The following FBXO33 variants were observed in gnomAD, a reference collection of about 807,000 sequenced individuals.
FBXO33 encodes F-box only protein 33.
Under a neutral mutation model 46.3 loss-of-function variants are expected in FBXO33, and 22 were observed. That is an observed-to-expected ratio of 0.48 (90% CI 0.34 to 0.68). FBXO33 has a LOEUF of 0.68. FBXO33 is among the 30% of genes least tolerant of loss of function. FBXO33 has a pLI of 0.01. For synonymous variants in FBXO33, 337 were observed against 291.3 expected (o/e 1.16, Z -1.60); for missense variants, 692 against 708.8 (o/e 0.98, Z 0.27).
In FBXO33 at chr14:39,399,476, C is replaced by G. The variant is rs746856910; in HGVS notation, c.*40G>C. On this transcript the variant is annotated 3_prime_UTR_variant, in exon 4 of 4. Coordinates refer to ENST00000298097, the MANE Select transcript of FBXO33 (RefSeq NM_203301.4). ...GAAAAAAAAACATAATAGGACCCTA[C>G]TTGCATATGTAACCACAGGAATTCT... 7.0e-6 allele frequency: 11 copies of G among 1,562,080 alleles called. No homozygotes were observed. Among genetic ancestry groups the G allele is most frequent in the South Asian group, 2.4e-5 (2 of 83,850 alleles).
intron 1 of FBXO33, among the ~76,000 whole-genome samples, chr14:39,422,067 G>C (rs555493644): frequency 1.3e-5 from 2 of 152,234 alleles, no homozygotes; most frequent in African/African-American, 4.8e-5. Context: ...AGACCACCCT[G>C]GGCAACATGG....
intron 1 of FBXO33, among the ~76,000 whole-genome samples, chr14:39,423,601 G>A (rs1365042577): frequency 2.6e-5 from 4 of 152,154 alleles, no homozygotes; most frequent in Non-Finnish European, 4.4e-5. Flanking sequence ...AACTATTATA[G>A]TGAGGTCTCA....
At position 39,414,876 on chromosome 14, in the gene FBXO33, C is replaced by G. The variant is rs138721572; in HGVS notation, c.600-12365G>C. 2.2e-4 allele frequency among the ~76,000 whole-genome samples: 34 copies of G among 152,164 alleles called. No homozygotes were observed. The East Asian group carries it at 6.4e-3, about 29-fold the overall frequency. ...GGGGGTCTATGTTCCCCAGGCTGGTCTTAAACTCCTGTGCTCAAGTGATCT... is the reference window on the plus strand; with the variant it reads ...GGGGGTCTATGTTCCCCAGGCTGGTGTTAAACTCCTGTGCTCAAGTGATCT... On this transcript the variant is annotated intron_variant, in intron 1 of 3. Coordinates refer to ENST00000298097, the MANE Select transcript of FBXO33 (RefSeq NM_203301.4).
At chr14:39,429,026 T>A (rs1398505283) in intron 1 of FBXO33, among the ~76,000 whole-genome samples, 1 of 152,174 alleles carries the variant, frequency 6.6e-6, no homozygotes, top group African/African-American at 2.4e-5. Context: ...TCCTAAAACC[T>A]AAGATACAGG....
chr14:39,407,180 A>G (rs1023845970), intron 1 of FBXO33, among the ~76,000 whole-genome samples: 1 of 152,244 alleles, frequency 6.6e-6, no homozygotes, highest in Non-Finnish European at 1.5e-5. Flanking sequence ...AGTAGTATCA[A>G]AAATACAAGA....
intron 1 of FBXO33, among the ~76,000 whole-genome samples, chr14:39,414,364 T>A (rs982451284): frequency 6.6e-6 from 1 of 152,254 alleles, no homozygotes; most frequent in African/African-American, 2.4e-5. Context: ...ATGTTGTGGC[T>A]AGTTTCATCT....
rs1335685852 is a variant in FBXO33 at position 39,397,839 on chromosome 14, G to C, written c.*1677C>G. 6.6e-6 allele frequency: 1 copy of C among 152,536 alleles called. No homozygotes were observed. Among genetic ancestry groups the C allele is most frequent in the African/African-American group, 2.4e-5 (1 of 41,420 alleles). 9.4% of individuals were successfully genotyped at this position (152,536 alleles called of 1,614,324 possible). ...CATCAGTCATCAGGTCAAACATTCAGCTGGTTTCCTTACAGTTTCTGTCAG... is the reference window on the plus strand; with the variant it reads ...CATCAGTCATCAGGTCAAACATTCACCTGGTTTCCTTACAGTTTCTGTCAG... On this transcript the variant is annotated 3_prime_UTR_variant, in exon 4 of 4. Transcript: ENST00000298097.
intron 1 of FBXO33, among the ~76,000 whole-genome samples, chr14:39,406,650 A>C (rs1237852807): frequency 1.3e-5 from 2 of 152,190 alleles, no homozygotes; most frequent in African/African-American, 2.4e-5. Context: ...TTTAGGGCAG[A>C]GTACCAGAGA....
chr14:39,421,502 A>G (rs2075483798), intron 1 of FBXO33, among the ~76,000 whole-genome samples: 1 of 152,170 alleles, frequency 6.6e-6, no homozygotes, highest in Non-Finnish European at 1.5e-5. Context: ...CATAGCTCAT[A>G]TGAAGGTTAG....
chr14:39,407,137 T>C (rs1490469106), intron 1 of FBXO33, among the ~76,000 whole-genome samples: 3 of 152,200 alleles, frequency 2.0e-5, no homozygotes, highest in East Asian at 3.8e-4. Context: ...CAATGAACAT[T>C]TGGAAATTAA....
At chr14:39,410,597 G>C (rs2075417863) in intron 1 of FBXO33, among the ~76,000 whole-genome samples, 1 of 152,150 alleles carries the variant, frequency 6.6e-6, no homozygotes, top group Non-Finnish European at 1.5e-5. Flanking sequence ...AAGAAGGACT[G>C]GCATTAATTC....
intron 1 of FBXO33, among the ~76,000 whole-genome samples, chr14:39,429,568 A>T (rs973159884): frequency 6.6e-6 from 1 of 152,268 alleles, no homozygotes; most frequent in African/African-American, 2.4e-5. Flanking sequence ...CACTTTCAAC[A>T]GTAAAGATGA....
In FBXO33 at chr14:39,420,428, C is replaced by T. The variant is rs138390552; in HGVS notation, c.599+11136G>A. ...AAAGCGGCTGGGCGCCGGTGGCTCA[C>T]GCCTGTAATCTCAGCGCTTTGGGAG... On this transcript the variant is annotated intron_variant, in intron 1 of 3. Transcript: ENST00000298097. Among the ~76,000 whole-genome samples the T allele has an allele frequency of 8.1e-3, 1,230 of 152,282 alleles. 16 individuals carry two copies. The highest frequency in any genetic ancestry group is 0.027 in the African/African-American group (1,127 of 41,546).
At chr14:39,428,825 C>T (rs1022054921) in intron 1 of FBXO33, among the ~76,000 whole-genome samples, 4 of 152,140 alleles carry the variant, frequency 2.6e-5, no homozygotes, top group African/African-American at 7.2e-5. Context: ...TCTTATAGAA[C>T]GACTGCAGAG....
At position 39,402,451 on chromosome 14, in the gene FBXO33, C is replaced by G. The variant is rs766500671; in HGVS notation, c.660G>C (p.Leu220Phe). The G allele has an allele frequency of 3.8e-6, 6 of 1,583,842 alleles. No homozygotes were observed. In the Admixed American group the frequency reaches 8.7e-5, roughly 23 times the overall value. The change falls in exon 2 of 4, where the codon TTG (leucine) becomes TTC (phenylalanine). Residue 220 changes from leucine (L) to phenylalanine (F), a missense_variant. By Grantham distance (22) the Leu-to-Phe change is conservative. Transcript: ENST00000298097. ...DISVLQQQGS[L>F]SNTYLSKVDP... ...CCACCTTGCTGAGGTATGTATTTGA[C>G]AAACTTCCTTGCTGTTGTAGAACAC...
chr14:39,415,858 G>C (rs1287731046), intron 1 of FBXO33, among the ~76,000 whole-genome samples: 1 of 152,094 alleles, frequency 6.6e-6, no homozygotes, highest in Non-Finnish European at 1.5e-5. Flanking sequence ...GTAGAGACAA[G>C]GTTTCACCAT....
At chr14:39,430,842 A>G (rs1241837371) in intron 1 of FBXO33, among the ~76,000 whole-genome samples, 5 of 152,262 alleles carry the variant, frequency 3.3e-5, no homozygotes, top group African/African-American at 1.2e-4. Context: ...TGAAGTCCTG[A>G]TGCAAAACCA....
In FBXO33 at chr14:39,431,779, G is replaced by A. The variant is rs886855349; in HGVS notation, c.384C>T (p.Leu128=). The A allele has an allele frequency of 8.1e-6, 13 of 1,612,750 alleles. 1 individual carries two copies. The South Asian group carries it at 1.1e-4, about 14-fold the overall frequency. The change falls in exon 1 of 4, where the codon CTC becomes CTT. Residue 128 remains leucine, a synonymous_variant. Transcript: ENST00000298097. ...SPAEQPRLEF[L]MRKCGWFVRE... ...GCACGAACCAGCCGCACTTGCGCATGAGGAATTCCAGCCGAGGCTGCTCCG... is the reference window on the plus strand; with the variant it reads ...GCACGAACCAGCCGCACTTGCGCATAAGGAATTCCAGCCGAGGCTGCTCCG...
chr14:39,402,555 C>T (rs2075373538), intron 1 of FBXO33, 44 bp from the exon 2 acceptor site: 3 of 945,194 alleles, frequency 3.2e-6, no homozygotes, highest in South Asian at 2.9e-5. Context: ...ATAATTTATA[C>T]TTAAAAAATA....
Sources: gnomAD v4.1 joint callset for allele counts (sites outside exome capture counted in the v4.1 genomes callset) on GRCh38, gnomAD v4.1.1 for gene constraint, MANE v1.5 for transcripts, NCBI Gene and HGNC (gene_info 2026-07-23, HGNC 2026-07-21) for gene names.